The following MPPE1 variants were observed in gnomAD, a reference collection of about 807,000 sequenced individuals.
MPPE1 encodes the protein metallophosphoesterase 1.
A neutral mutation model predicts 43.8 loss-of-function variants in MPPE1; 28 were observed. The observed-to-expected ratio is 0.64, with a 90% CI of 0.47 to 0.88. The LOEUF (loss-of-function observed/expected upper bound fraction) is 0.88. MPPE1 is among the 40% of genes least tolerant of loss of function. The probability of loss-of-function intolerance (pLI) is 0.00; values close to 1 mark genes in which losing one functional copy is unlikely to be tolerated. For synonymous variants in MPPE1, 159 were observed against 188.5 expected (o/e 0.84, Z 1.28); for missense variants, 428 against 492.2 (o/e 0.87, Z 1.23).
Position 11,898,372 on chromosome 18 carries a change from A to G in MPPE1, c.-92-1016T>C, listed in dbSNP as rs2038810789. Among the ~76,000 whole-genome samples, 2 of 152,062 alleles carry G rather than the reference A, an allele frequency of 1.3e-5. 1 individual carries two copies. Among genetic ancestry groups the G allele is most frequent in the South Asian group, 4.2e-4 (2 of 4,816 alleles). On this transcript the variant is annotated intron_variant, in intron 2 of 10. Coordinates refer to ENST00000588072, the MANE Select transcript of MPPE1 (RefSeq NM_023075.6). Reference sequence around the variant, plus strand: ...CAGGCGTGAGCCACTTTGCCAGGCCAGTTTATAGTTTAACTTTGAAGCAAG... The same window carrying G: ...CAGGCGTGAGCCACTTTGCCAGGCCGGTTTATAGTTTAACTTTGAAGCAAG...
At position 11,884,179 on chromosome 18, in the gene MPPE1, C is replaced by T. The variant is rs575792539; in HGVS notation, c.*266G>A. The T allele has an allele frequency of 1.1e-5, 4 of 376,120 alleles. No homozygotes were observed. The highest frequency in any genetic ancestry group is 4.6e-5 in the East Asian group (1 of 21,650). The allele number at this position is 376,120 out of a possible 1,614,324, so 23.3% of individuals were successfully genotyped here. ...TGAGTGACGACATTAATAGCATTTA[C>T]ATACTGTACAGATGCAACCTTTGAT... On this transcript the variant is annotated 3_prime_UTR_variant, in exon 11 of 11. Coordinates refer to ENST00000588072, the MANE Select transcript of MPPE1 (RefSeq NM_023075.6).
chr18:11,898,975 T>A (rs1431039982), intron 2 of MPPE1, among the ~76,000 whole-genome samples: 1 of 151,984 alleles, frequency 6.6e-6, no homozygotes, highest in South Asian at 2.1e-4. Context: ...TGGCACAATG[T>A]CAGCTCACTG....
intron 1 of MPPE1, among the ~76,000 whole-genome samples, chr18:11,906,639 T>C (rs977328203): frequency 6.6e-6 from 1 of 152,084 alleles, no homozygotes; most frequent in Non-Finnish European, 1.5e-5. Context: ...GGTGATCACC[T>C]GAGGTCGGGA....
In MPPE1 at chr18:11,886,851, G is replaced by A. The variant is rs754141748; in HGVS notation, c.678+66C>T. 1.5e-5 allele frequency: 24 copies of A among 1,595,958 alleles called. 2 individuals are homozygous for A. The East Asian group carries it at 5.2e-4, about 34-fold the overall frequency. ...AAAGGGCAAGAAGCGCTAGGGGGCT[G>A]AGTGAGCAACCGAAGCGGAGCAACA... On this transcript the variant is annotated intron_variant, in intron 7 of 10. Coordinates refer to ENST00000588072, the MANE Select transcript of MPPE1 (RefSeq NM_023075.6). The surrounding 1 kb of genome is among the most constrained non-coding windows in gnomAD (Gnocchi z 4.1).
intron 3 of MPPE1, 42 bp downstream of exon 3, chr18:11,896,942 T>C: frequency 6.3e-7 from 1 of 1,577,428 alleles, no homozygotes; most frequent in East Asian, 2.2e-5. Context: ...TATACCGTTT[T>C]GCCTACAGAA....
At chr18:11,901,889 T>C (rs9963456) in intron 2 of MPPE1, among the ~76,000 whole-genome samples, 41,470 of 152,026 alleles carry the variant, frequency 0.27, 6,495 homozygotes, top group African/African-American at 0.41. Context: ...ATTTTAACTA[T>C]GTCCTTTCAG....
chr18:11,904,360 G>A (rs1009353177), intron 2 of MPPE1, among the ~76,000 whole-genome samples: 1 of 150,348 alleles, frequency 6.7e-6, no homozygotes, highest in African/African-American at 2.5e-5. Context: ...TGTCACCCAC[G>A]CTGGAGTACA....
chr18:11,891,917 C>T (rs545781871), intron 4 of MPPE1, among the ~76,000 whole-genome samples: 4 of 152,180 alleles, frequency 2.6e-5, no homozygotes, highest in South Asian at 4.1e-4. Flanking sequence ...CAGGCTCAAG[C>T]GATCCTCCCA....
At position 11,902,106 on chromosome 18, in the gene MPPE1, G is replaced by A. The variant is rs78211922; in HGVS notation, c.-93+4097C>T. On this transcript the variant is annotated intron_variant, in intron 2 of 10. Coordinates refer to ENST00000588072, the MANE Select transcript of MPPE1 (RefSeq NM_023075.6). ...ACAACATACCTTTATCTTCCAACTG[G>A]GGACAGCTTTGAGTGAAAAATATCA... 9.3e-3 allele frequency among the ~76,000 whole-genome samples: 1,414 copies of A among 152,284 alleles called. 15 individuals carry two copies. The highest frequency in any genetic ancestry group is 0.042 in the East Asian group (216 of 5,180).
chr18:11,896,050 T>C (rs2038560498), intron 3 of MPPE1, among the ~76,000 whole-genome samples: 1 of 151,458 alleles, frequency 6.6e-6, no homozygotes, highest in African/African-American at 2.4e-5. Context: ...TTAAAACTCT[T>C]AGTAAAAAGG....
intron 6 of MPPE1, among the ~76,000 whole-genome samples, chr18:11,887,631 TTTTTTTAAAGAC>T (rs1199618798): frequency 6.6e-6 from 1 of 152,200 alleles, no homozygotes; most frequent in Non-Finnish European, 1.5e-5. Context: ...AGCAGCCACA[TTTTTTTAAAGAC>T]TCCCACTAAA....
intron 2 of MPPE1, chr18:11,902,736 T>C (rs2039328424): frequency 6.6e-6 from 1 of 152,240 alleles, no homozygotes; most frequent in South Asian, 2.1e-4. Flanking sequence ...TTTGAGCAGT[T>C]ATGACTAAGA....
chr18:11,898,500 G>A (rs2038823946), intron 2 of MPPE1, among the ~76,000 whole-genome samples: 2 of 152,196 alleles, frequency 1.3e-5, no homozygotes, highest in African/African-American at 4.8e-5. Context: ...GAATTCTGCT[G>A]AATGTAGTTT....
intron 4 of MPPE1, among the ~76,000 whole-genome samples, chr18:11,892,185 A>C: frequency 6.6e-6 from 1 of 151,160 alleles, no homozygotes; most frequent in East Asian, 2.0e-4. Flanking sequence ...ACTAAAATAC[A>C]AAAAATTATC....
chr18:11,893,562 T>C lies in MPPE1; in HGVS notation c.296A>G (p.Glu99Gly), dbSNP rs1182678108. 4 of 1,614,094 alleles carry C rather than the reference T, an allele frequency of 2.5e-6. No homozygotes were observed. Among genetic ancestry groups the C allele is most frequent in the South Asian group, 1.1e-5 (1 of 91,078 alleles). Residue 99 changes from glutamate to glycine, a missense_variant, in exon 4 of 11, where the codon GAG (glutamate) becomes GGG (glycine). Transcript: ENST00000588072. ...CCACAGAGCTGTCTGGAACGCTCTCTCCATCTGCCATTCCCTTGATGCCAA... is the reference window on the plus strand; with the variant it reads ...CCACAGAGCTGTCTGGAACGCTCTCCCCATCTGCCATTCCCTTGATGCCAA... The part of the protein sequence containing the change: ...LDKLRREWQM[E>G]RAFQTALWLL...
intron 4 of MPPE1, among the ~76,000 whole-genome samples, chr18:11,891,770 GT>G (rs921347999): frequency 1.8e-3 from 276 of 151,862 alleles, no homozygotes; most frequent in African/African-American, 6.2e-3. Flanking sequence ...TTGTTGTGGG[GT>G]TTTTTTTGTT....
At chr18:11,907,232 A>AT (rs1368276069) in intron 1 of MPPE1, among the ~76,000 whole-genome samples, 3 of 152,176 alleles carry the variant, frequency 2.0e-5, no homozygotes, top group African/African-American at 7.2e-5. Context: ...ATTCCTTTCC[A>AT]TTGATAATAA....
intron 10 of MPPE1, chr18:11,885,029 C>A (rs1209417731): frequency 7.7e-7 from 1 of 1,295,932 alleles, no homozygotes; most frequent in Non-Finnish European, 1.0e-6. Context: ...TGATGCTCAA[C>A]TAAGCATCTG....
intron 4 of MPPE1, among the ~76,000 whole-genome samples, chr18:11,889,824 A>G (rs928735663): frequency 8.0e-5 from 12 of 149,876 alleles, no homozygotes; most frequent in Middle Eastern, 3.8e-3. Flanking sequence ...CGCCCGCCTC[A>G]GCCTCCCAAA....
Sources: allele counts gnomAD v4.1 joint callset (sites outside exome capture counted in the v4.1 genomes callset), GRCh38; gene constraint gnomAD v4.1.1; non-coding constraint Gnocchi (gnomAD v3.1); transcripts MANE v1.5; gene names NCBI Gene and HGNC (gene_info 2026-07-23, HGNC 2026-07-21).